STRBP: variants seen among roughly 807,000 people sequenced by gnomAD.
STRBP encodes spermatid perinuclear RNA binding protein.
A neutral mutation model predicts 80.1 loss-of-function variants in STRBP; 13 were observed. The ratio of observed to expected loss-of-function variants is 0.16; its 90% CI spans 0.11 to 0.26. The LOEUF (loss-of-function observed/expected upper bound fraction) is 0.26, where lower values mean the gene tolerates loss of function less well. Ranked by LOEUF, STRBP falls within the 10% of genes least tolerant of loss-of-function variation. The pLI, the probability that STRBP is intolerant of heterozygous loss-of-function variation, is 1.00. For synonymous variants in STRBP, 284 were observed against 291.2 expected (o/e 0.98, Z 0.25); for missense variants, 485 against 815.2 (o/e 0.59, Z 4.93).
At chr9:123,244,423 A>G (rs1349580744) in intron 1 of STRBP, among the ~76,000 whole-genome samples, 4 of 152,234 alleles carry the variant, frequency 2.6e-5, no homozygotes, top group Non-Finnish European at 5.9e-5. Context: ...AGACCTGTAC[A>G]AGTCACAGAG....
Position 123,128,212 on chromosome 9 carries a change from A to G in STRBP, c.1942+2T>C, listed in dbSNP as rs1177303119. On this transcript the variant is annotated splice_donor_variant, in intron 18 of 18. Coordinates refer to ENST00000348403, the MANE Select transcript of STRBP (RefSeq NM_018387.5). LOFTEE classifies it high-confidence loss of function. ...GAGATATCAGTAAGATGGTGTACGT[A>G]CCATAGGCAGGGGCAGCTGTGCTGT... The G allele has an allele frequency of 6.2e-7, 1 of 1,614,188 alleles. No individual in the cohort carries two copies. Among genetic ancestry groups the G allele is most frequent in the African/African-American group, 1.3e-5 (1 of 75,060 alleles).
At chr9:123,260,254 CA>C (rs2041132554) in intron 1 of STRBP, among the ~76,000 whole-genome samples, 1 of 152,030 alleles carries the variant, frequency 6.6e-6, no homozygotes, top group African/African-American at 2.4e-5. Context: ...TCAAATAACC[CA>C]ATGAAGAAAA....
intron 6 of STRBP, among the ~76,000 whole-genome samples, chr9:123,164,582 C>G (rs2037672861): frequency 6.6e-6 from 1 of 152,104 alleles, no homozygotes; most frequent in Non-Finnish European, 1.5e-5. Flanking sequence ...AAACACCAGC[C>G]TGGAGATGGG....
chr9:123,139,385 A>G (rs999778325), intron 14 of STRBP, 144 bp downstream of exon 14: 3 of 712,430 alleles, frequency 4.2e-6, no homozygotes, highest in Non-Finnish European at 4.2e-6. Flanking sequence ...ATGGAAATAA[A>G]CCAAAATAAT....
intron 9 of STRBP, 107 bp from the exon 10 acceptor site, chr9:123,158,536 A>G (rs1274087748): frequency 1.0e-6 from 1 of 957,316 alleles, no homozygotes. Context: ...ATGAAAAAAA[A>G]AACTGAGGAA....
At chr9:123,229,784 A>G (rs1017568001) in intron 2 of STRBP, among the ~76,000 whole-genome samples, 2 of 152,186 alleles carry the variant, frequency 1.3e-5, no homozygotes, top group Non-Finnish European at 2.9e-5. Flanking sequence ...TTTAAAAGGA[A>G]GGGGTCGGAA....
At position 123,125,302 on chromosome 9, in the gene STRBP, T is replaced by C. The variant is rs1588442932; in HGVS notation, c.*295A>G. ...ATTTAATTTTACATAATCTGATACG[T>C]CTCTTAAAACTTAAACTTTGAACTG... On this transcript the variant is annotated 3_prime_UTR_variant, in exon 19 of 19. Coordinates refer to ENST00000348403, the MANE Select transcript of STRBP (RefSeq NM_018387.5). 2 of 1,077,068 alleles carry C rather than the reference T, an allele frequency of 1.9e-6. No homozygotes were observed. Among genetic ancestry groups the C allele is most frequent in the East Asian group, 1.3e-4 (2 of 15,724 alleles). 66.7% of individuals were successfully genotyped at this position (1,077,068 alleles called of 1,614,324 possible). A position where few individuals can be genotyped will look rare whatever the true frequency, so the allele number is the denominator to read the frequency against.
In STRBP at chr9:123,122,990, A is replaced by C. The variant is rs2035779477; in HGVS notation, c.*2607T>G. The C allele has an allele frequency of 1.0e-6, 1 of 985,352 alleles. No individual in the cohort carries two copies. Among genetic ancestry groups the C allele is most frequent in the African/African-American group, 1.7e-5 (1 of 57,258 alleles). 61.0% of individuals were successfully genotyped at this position (985,352 alleles called of 1,614,324 possible). On this transcript the variant is annotated 3_prime_UTR_variant, in exon 19 of 19. Coordinates refer to ENST00000348403, the MANE Select transcript of STRBP (RefSeq NM_018387.5). ...CAAAGTATTGCTCTTCTTTAAAATGATCAGTCATTGCTTTCAAAAAGAGGG... is the reference window on the plus strand; with the variant it reads ...CAAAGTATTGCTCTTCTTTAAAATGCTCAGTCATTGCTTTCAAAAAGAGGG...
At chr9:123,128,365 T>G in intron 17 of STRBP, 107 bp from the exon 18 acceptor site, 1 of 1,260,384 alleles carries the variant, frequency 7.9e-7, no homozygotes, top group Non-Finnish European at 1.2e-6. Flanking sequence ...GAGGACTTCT[T>G]CCAGATGTTG....
At chr9:123,167,915 G>C (rs891992082) in intron 6 of STRBP, among the ~76,000 whole-genome samples, 2 of 151,934 alleles carry the variant, frequency 1.3e-5, no homozygotes, top group African/African-American at 4.8e-5. Flanking sequence ...AACAGGCTAA[G>C]TTTAAAGGTA....
At chr9:123,239,997 C>G (rs1440794517) in intron 1 of STRBP, among the ~76,000 whole-genome samples, 1 of 152,174 alleles carries the variant, frequency 6.6e-6, no homozygotes, top group Admixed American at 6.5e-5. Context: ...TCACTCAAAC[C>G]AGGTCTTCTG....
At chr9:123,195,678 TG>T (rs1232274961) in intron 2 of STRBP, among the ~76,000 whole-genome samples, 20 of 152,152 alleles carry the variant, frequency 1.3e-4, no homozygotes, top group Admixed American at 1.3e-3. Flanking sequence ...TATAAAGTGC[TG>T]ATGGAAGAAA....
At chr9:123,185,189 A>G (rs1763503054) in intron 2 of STRBP, among the ~76,000 whole-genome samples, 1 of 152,182 alleles carries the variant, frequency 6.6e-6, no homozygotes, top group African/African-American at 2.4e-5. Flanking sequence ...TATCGTATAA[A>G]CTCACAAAGA....
chr9:123,176,191 G>T (rs2132442344), intron 4 of STRBP, among the ~76,000 whole-genome samples: 1 of 152,276 alleles, frequency 6.6e-6, no homozygotes, highest in East Asian at 1.9e-4. Flanking sequence ...ACCTAGATCG[G>T]TGCTGAGATT....
chr9:123,214,142 G>GTA (rs1421211226), intron 2 of STRBP, among the ~76,000 whole-genome samples: 7 of 103,710 alleles, frequency 6.7e-5, no homozygotes, highest in South Asian at 3.2e-4. Context: ...ATATATATAT[G>GTA]TATACACACA....
intron 6 of STRBP, 25 bp downstream of exon 6, chr9:123,169,877 T>C (rs1345605824): frequency 1.7e-5 from 19 of 1,114,868 alleles, no homozygotes; most frequent in East Asian, 1.5e-4. Flanking sequence ...TATATACATA[T>C]ATATATATAT....
chr9:123,116,346 T>C (rs2035644785), intron 2 of STRBP, among the ~76,000 whole-genome samples: 1 of 152,174 alleles, frequency 6.6e-6, no homozygotes. Flanking sequence ...TTCCCACCCC[T>C]GAGGAGCTCT....
chr9:123,135,810 CATATAA>C lies in STRBP; in HGVS notation c.1773+225_1773+230del, dbSNP rs1051539740. 14 of 381,258 alleles carry C rather than the reference CATATAA, an allele frequency of 3.7e-5. 1 individual carries two copies. The highest frequency in any genetic ancestry group is 8.1e-5 in the Admixed American group (2 of 24,838). 23.6% of individuals were successfully genotyped at this position (381,258 alleles called of 1,614,324 possible). A position where few individuals can be genotyped will look rare whatever the true frequency, so the allele number is the denominator to read the frequency against. On this transcript the variant is annotated intron_variant, in intron 16 of 18. Transcript: ENST00000348403. ...AATAATGCTAATAGCCTCATATATA[CATATAA>C]ATATAAATATACATGTACATATATA...
chr9:123,155,673 C>G (rs1405517284), intron 11 of STRBP, among the ~76,000 whole-genome samples: 1 of 151,834 alleles, frequency 6.6e-6, no homozygotes, highest in African/African-American at 2.4e-5. Flanking sequence ...TTCTTGAAAA[C>G]ATGATTATGG....
Sources: allele counts gnomAD v4.1 joint callset (sites outside exome capture counted in the v4.1 genomes callset), GRCh38; gene constraint gnomAD v4.1.1; transcripts MANE v1.5; gene names NCBI Gene and HGNC (gene_info 2026-07-23, HGNC 2026-07-21).